Variants in GEMIN5 observed in about 807,000 individuals in gnomAD.
GEMIN5 encodes gem-associated protein 5.
A neutral mutation model predicts 176.9 loss-of-function variants in GEMIN5; 124 were observed. That is an observed-to-expected ratio of 0.70 (90% CI 0.61 to 0.81). The LOEUF (loss-of-function observed/expected upper bound fraction) is 0.81, where lower values mean the gene tolerates loss of function less well. Ranked by LOEUF, GEMIN5 falls within the 40% of genes least tolerant of loss-of-function variation. The pLI is 0.00. For synonymous variants in GEMIN5, 673 were observed against 665.2 expected (o/e 1.01, Z -0.18); for missense variants, 1,843 against 1,814.6 (o/e 1.02, Z -0.28).
rs767968893 is a variant in GEMIN5 at position 154,888,306 on chromosome 5, A to G, written c.4431T>C (p.Cys1477=). 8 of 1,614,170 alleles carry G rather than the reference A, an allele frequency of 5.0e-6. No individual in the cohort carries two copies. The South Asian group carries it at 8.8e-5, about 18-fold the overall frequency. ...LLLIRSHFPG[C]LAQEMQQQAQ... is the part of the protein sequence containing the mutation. ...CCTGCTGCTGCATTTCCTGGGCCAG[A>G]CAGCCAGGAAAGTGGGACCTGATGA... Residue 1477 remains cysteine, a synonymous_variant, in exon 28 of 28, where the codon TGT becomes TGC. Coordinates refer to ENST00000285873, the MANE Select transcript of GEMIN5 (RefSeq NM_015465.5).
chr5:154,901,720 A>T (rs534297125), intron 20 of GEMIN5, among the ~76,000 whole-genome samples: 94 of 152,344 alleles, frequency 6.2e-4, no homozygotes, highest in African/African-American at 2.2e-3. Flanking sequence ...ACAGAAAGGA[A>T]TGTGTGAGCA....
chr5:154,912,916 A>G lies in GEMIN5; in HGVS notation c.1978T>C (p.Tyr660His). ...HHDGRLVSAS[Y>H]DGTAQVWDAL... Reference sequence around the variant, plus strand: ...AATAGTACCTGGGCTGTACCATCATAGGAAGCAGATACCAGCCTTCCATCA... The same window carrying G: ...AATAGTACCTGGGCTGTACCATCATGGGAAGCAGATACCAGCCTTCCATCA... Residue 660 changes from tyrosine (Y) to histidine (H), a missense_variant, in exon 14 of 28, where the codon TAT becomes CAT. Physicochemically the swap from Tyr to His is moderately conservative, Grantham distance 83. Transcript: ENST00000285873. The G allele has an allele frequency of 6.2e-7, 1 of 1,613,704 alleles. No individual in the cohort carries two copies. The highest frequency in any genetic ancestry group is 8.5e-7 in the Non-Finnish European group (1 of 1,179,690).
intron 7 of GEMIN5, among the ~76,000 whole-genome samples, chr5:154,927,041 ACT>A (rs1054806324): frequency 4.2e-5 from 4 of 96,270 alleles, no homozygotes; most frequent in African/African-American, 7.7e-5. Context: ...ACAGAGCAAG[ACT>A]CTGTCTCAGA....
intron 9 of GEMIN5, among the ~76,000 whole-genome samples, chr5:154,923,609 A>T (rs73809507): frequency 0.099 from 15,064 of 152,256 alleles, 845 homozygotes; most frequent in Admixed American, 0.15. Flanking sequence ...AGACACTGAA[A>T]TCTGAATTTT....
At chr5:154,908,484 C>T (rs1248582598) in intron 15 of GEMIN5, among the ~76,000 whole-genome samples, 2 of 152,040 alleles carry the variant, frequency 1.3e-5, no homozygotes, top group Non-Finnish European at 1.5e-5. Flanking sequence ...CCCGGCCTAC[C>T]CAGATGTCTT....
intron 26 of GEMIN5, among the ~76,000 whole-genome samples, chr5:154,890,423 T>C (rs1234702948): frequency 6.6e-6 from 1 of 152,058 alleles, no homozygotes; most frequent in East Asian, 1.9e-4. Flanking sequence ...TTTTATCTCA[T>C]TTTATAAATA....
At chr5:154,921,316 T>C in intron 10 of GEMIN5, 27 bp downstream of exon 10, 1 of 942,824 alleles carries the variant, frequency 1.1e-6, no homozygotes, top group Non-Finnish European at 1.8e-6. Flanking sequence ...ACTCTCATAT[T>C]TGTTATGGAA....
At chr5:154,898,275 G>A (rs576786190) in intron 23 of GEMIN5, among the ~76,000 whole-genome samples, 165 bp downstream of exon 23, 4 of 152,290 alleles carry the variant, frequency 2.6e-5, no homozygotes, top group South Asian at 4.1e-4. Context: ...CTCTGAATAC[G>A]GCAACTAACA....
chr5:154,901,227 G>C, intron 21 of GEMIN5, 112 bp downstream of exon 21: 2 of 1,015,080 alleles, frequency 2.0e-6, no homozygotes, highest in Non-Finnish European at 2.9e-6. Flanking sequence ...GTTACTCAGG[G>C]GGCTGAAGCA....
intron 24 of GEMIN5, chr5:154,892,762 T>C (rs770410202): frequency 1.8e-5 from 10 of 544,490 alleles, no homozygotes; most frequent in Non-Finnish European, 3.3e-5. Context: ...GGTGTTAAAG[T>C]CTGTTCACAC....
Position 154,889,370 on chromosome 5 carries a change from CT to C in GEMIN5, c.4309del (p.Arg1437GlyfsTer84). On this transcript the variant is annotated frameshift_variant, in exon 27 of 28. Transcript: ENST00000285873. LOFTEE classifies it high-confidence loss of function. ...EPLSLPELTKRLTEANQRMAK... is the reference protein window; with the variant it reads ...EPLSLPELTKXLTEANQRMAK... ...CATTCTCTGATTTGCCTCGGTAAGC[CT>C]TTTGGTTAACTCAGGCAGAGAAAGT... 6.2e-7 allele frequency: 1 copy of C among 1,610,038 alleles called. No homozygotes were observed. Among genetic ancestry groups the C allele is most frequent in the Non-Finnish European group, 8.5e-7 (1 of 1,176,556 alleles).
intron 12 of GEMIN5, 124 bp downstream of exon 12, chr5:154,917,807 G>C: frequency 1.4e-6 from 1 of 695,258 alleles, no homozygotes; most frequent in Non-Finnish European, 2.6e-6. Flanking sequence ...AGGATATCAA[G>C]AATAAATCAA....
chr5:154,898,357 C>T (rs1763396309), intron 23 of GEMIN5, 83 bp downstream of exon 23: 1 of 1,247,888 alleles, frequency 8.0e-7, no homozygotes, highest in Non-Finnish European at 1.2e-6. Context: ...GCTTGTGCAA[C>T]TGGGTTATTA....
intron 16 of GEMIN5, among the ~76,000 whole-genome samples, chr5:154,905,959 G>A (rs144150244): frequency 0.032 from 4,790 of 151,762 alleles, 106 homozygotes; most frequent in East Asian, 0.072. Flanking sequence ...CCAAACTGCT[G>A]GGATTACAGG....
intron 26 of GEMIN5, among the ~76,000 whole-genome samples, chr5:154,889,718 T>G (rs982972107): frequency 1.7e-4 from 26 of 152,250 alleles, no homozygotes; most frequent in African/African-American, 6.0e-4. Flanking sequence ...CTCTATAAAT[T>G]TAACTATTTT....
chr5:154,936,912 G>A (rs1764281553), intron 2 of GEMIN5, 113 bp downstream of exon 2: 1 of 766,290 alleles, frequency 1.3e-6, no homozygotes, highest in Non-Finnish European at 2.1e-6. Flanking sequence ...TCTAATTAAT[G>A]AACACAATTA....
intron 23 of GEMIN5, among the ~76,000 whole-genome samples, chr5:154,896,616 A>G (rs1221769211): frequency 6.6e-6 from 1 of 152,172 alleles, no homozygotes; most frequent in African/African-American, 2.4e-5. Flanking sequence ...ACTACCCACA[A>G]TGATTTAAGC....
intron 12 of GEMIN5, among the ~76,000 whole-genome samples, 186 bp from the exon 13 acceptor site, chr5:154,917,365 T>C (rs1256267369): frequency 6.6e-6 from 1 of 152,242 alleles, no homozygotes; most frequent in African/African-American, 2.4e-5. Flanking sequence ...CCAAAAAGTA[T>C]ATTTAGCTTT....
intron 10 of GEMIN5, 98 bp downstream of exon 10, chr5:154,921,245 C>A (rs1236228277): frequency 1.4e-6 from 1 of 730,408 alleles, no homozygotes; most frequent in Non-Finnish European, 2.5e-6. Flanking sequence ...GCAGTCAGTG[C>A]ACTAGACCAT....
Sources: allele counts gnomAD v4.1 joint callset (sites outside exome capture counted in the v4.1 genomes callset), GRCh38; gene constraint gnomAD v4.1.1; transcripts MANE v1.5; gene names NCBI Gene and HGNC (gene_info 2026-07-23, HGNC 2026-07-21).